FBXW12: variants seen among roughly 807,000 people sequenced by gnomAD.
The protein encoded by FBXW12 is F-box/WD repeat-containing protein 12.
In FBXW12, 43 loss-of-function variants were observed where a neutral mutation model predicts 55.3. The observed-to-expected ratio is 0.78, with a 90% CI of 0.61 to 1.00. The LOEUF (loss-of-function observed/expected upper bound fraction) is 1.00, where lower values mean the gene tolerates loss of function less well. Ranked by LOEUF, FBXW12 falls within the 50% of genes least tolerant of loss-of-function variation. The pLI is 0.00. For synonymous variants in FBXW12, 184 were observed against 203.8 expected, an observed-to-expected ratio of 0.90 and a Z score of 0.83; for missense variants, 524 against 560.5, an observed-to-expected ratio of 0.93 and a Z score of 0.66.
rs146208087 is a variant in FBXW12 at position 48,378,366 on chromosome 3, T to G, written c.455T>G (p.Leu152Arg). The part of the protein sequence containing the change: ...SPVQEFHFSN[L>R]VTLPQMHLAI... ...GTCCAGGAGTTCCATTTCTCAAATCTGGTAACCCTCCCTCAGATGCATCTC... is the reference window on the plus strand; with the variant it reads ...GTCCAGGAGTTCCATTTCTCAAATCGGGTAACCCTCCCTCAGATGCATCTC... Residue 152 changes from leucine (L) to arginine (R), a missense_variant, in exon 6 of 11, where the codon CTG becomes CGG. Transcript: ENST00000296438. 5.3e-5 allele frequency: 86 copies of G among 1,614,140 alleles called. No homozygotes were observed. In the Admixed American group the frequency reaches 6.7e-4, roughly 13 times the overall value.
intron 10 of FBXW12, among the ~76,000 whole-genome samples, chr3:48,388,196 A>T (rs1296129145): frequency 1.3e-5 from 2 of 152,178 alleles, no homozygotes; most frequent in Non-Finnish European, 2.9e-5. Context: ...CACCCAAGAT[A>T]TGCTCTATCT....
intron 5 of FBXW12, among the ~76,000 whole-genome samples, chr3:48,377,512 A>C (rs1273376380): frequency 6.6e-6 from 1 of 152,180 alleles, no homozygotes; most frequent in Non-Finnish European, 1.5e-5. Context: ...CTTCACCCTC[A>C]TGAGAGACCT....
rs763943625 is a variant in FBXW12 at position 48,379,428 on chromosome 3, C to T, written c.644C>T (p.Thr215Ile). The change falls in exon 7 of 11, where the codon ACA (threonine) becomes ATA (isoleucine). Residue 215 changes from threonine to isoleucine, a missense_variant. Physicochemically the swap from Thr to Ile is moderately conservative, Grantham distance 89 (BLOSUM62 -1). Transcript: ENST00000296438. ...GGCGATGCTGCAGGTGACATCTACA[C>T]ATTTACACTGCCTGGGTTAAGAGAT... ...MVGDAAGDIY[T>I]FTLPGLRDVS... The T allele has an allele frequency of 1.2e-6, 2 of 1,614,172 alleles. No individual in the cohort carries two copies. Among genetic ancestry groups the T allele is most frequent in the Non-Finnish European group, 8.5e-7 (1 of 1,179,986 alleles).
In FBXW12 at chr3:48,380,589, A is replaced by G; in HGVS notation, c.775-113A>G. ...CCACTCATCACTCCTGAGATATTGAACAAAGCTTTGGCCACAAGATGAGAA... is the reference window on the plus strand; with the variant it reads ...CCACTCATCACTCCTGAGATATTGAGCAAAGCTTTGGCCACAAGATGAGAA... On this transcript the variant is annotated intron_variant, in intron 7 of 10. Coordinates refer to ENST00000296438, the MANE Select transcript of FBXW12 (RefSeq NM_207102.2). The G allele has an allele frequency of 3.9e-6, 3 of 759,876 alleles. 1 individual carries two copies. The South Asian group carries it at 4.8e-5, about 12-fold the overall frequency. 47.1% of individuals were successfully genotyped at this position (759,876 alleles called of 1,614,324 possible).
chr3:48,382,203 G>C, intron 10 of FBXW12, 118 bp downstream of exon 10: 1 of 1,138,904 alleles, frequency 8.8e-7, no homozygotes, highest in Non-Finnish European at 1.2e-6. Flanking sequence ...TGCAACCTCC[G>C]ACTCCCGGGT....
chr3:48,380,844 G>GA lies in FBXW12; in HGVS notation c.923dup (p.Thr309AspfsTer7), dbSNP rs749557734. 1.3e-5 allele frequency: 21 copies of GA among 1,614,070 alleles called. No homozygotes were observed. Among genetic ancestry groups the GA allele is most frequent in the Non-Finnish European group, 1.8e-5 (21 of 1,180,006 alleles). ...ACACTGATGTCCCAAAGTAGCACTG[G>GA]AAAAAAGACAGAATTTATCACCTTT... On this transcript the variant is annotated frameshift_variant, in exon 8 of 11. Transcript: ENST00000296438. LOFTEE classifies it high-confidence loss of function.
chr3:48,379,701 G>A, intron 7 of FBXW12, 143 bp downstream of exon 7: 1 of 668,936 alleles, frequency 1.5e-6, no homozygotes, highest in Admixed American at 2.6e-5. Context: ...CCATTGTGAT[G>A]GTCAGGAAAC....
At chr3:48,381,415 G>A (rs369585933) in intron 8 of FBXW12, among the ~76,000 whole-genome samples, 3 of 152,200 alleles carry the variant, frequency 2.0e-5, no homozygotes, top group Non-Finnish European at 2.9e-5. Flanking sequence ...TCTCTTGGGC[G>A]AACACATATA....
At chr3:48,380,527 C>G (rs1048141867) in intron 7 of FBXW12, among the ~76,000 whole-genome samples, 175 bp from the exon 8 acceptor site, 1 of 152,226 alleles carries the variant, frequency 6.6e-6, no homozygotes, top group Admixed American at 6.5e-5. Context: ...AATAGGAAGA[C>G]AGTGAGTTCC....
intron 10 of FBXW12, among the ~76,000 whole-genome samples, chr3:48,387,052 C>T (rs561436656): frequency 5.9e-5 from 9 of 151,998 alleles, no homozygotes; most frequent in African/African-American, 1.9e-4. Flanking sequence ...ATTCTCCTGC[C>T]TCAGGGTGTT....
At position 48,378,303 on chromosome 3, in the gene FBXW12, C is replaced by T. The variant is rs201092149; in HGVS notation, c.406-14C>T. 1.9e-5 allele frequency: 31 copies of T among 1,606,916 alleles called. No individual in the cohort carries two copies. Among genetic ancestry groups the T allele is most frequent in the Non-Finnish European group, 2.6e-5 (30 of 1,173,722 alleles). ...GGTTCCTTGAACACAGGTCGTGTTA[C>T]TCTCGTTTTCTAGGGTACCATGATC... On this transcript the variant is annotated splice_polypyrimidine_tract_variant and intron_variant, in intron 5 of 10. Coordinates refer to ENST00000296438, the MANE Select transcript of FBXW12 (RefSeq NM_207102.2).
At chr3:48,378,117 C>T (rs556060758) in intron 5 of FBXW12, among the ~76,000 whole-genome samples, 200 bp from the exon 6 acceptor site, 264 of 152,254 alleles carry the variant, frequency 1.7e-3, no homozygotes, top group Middle Eastern at 6.8e-3. Context: ...GTACCAAGTT[C>T]TTGTCTCGGA....
At position 48,381,615 on chromosome 3, in the gene FBXW12, AGT is replaced by A. The variant is rs564374590; in HGVS notation, c.986-81_986-80del. The A allele has an allele frequency of 1.5e-5, 21 of 1,393,470 alleles. No individual in the cohort carries two copies. In the South Asian group the frequency reaches 3.2e-4, roughly 21 times the overall value. 86.3% of individuals were successfully genotyped at this position (1,393,470 alleles called of 1,614,324 possible). On this transcript the variant is annotated intron_variant, in intron 8 of 10. Coordinates refer to ENST00000296438, the MANE Select transcript of FBXW12 (RefSeq NM_207102.2). ...AAGTGGGGACTATGCTTTTTTATTCAGTGTGAGGATATTATTATTCAATGACC... is the reference window on the plus strand; with the variant it reads ...AAGTGGGGACTATGCTTTTTTATTCAGTGAGGATATTATTATTCAATGACC...
At chr3:48,379,254 C>G (rs2036729067) in intron 6 of FBXW12, 146 bp from the exon 7 acceptor site, 2 of 755,490 alleles carry the variant, frequency 2.6e-6, no homozygotes, top group Non-Finnish European at 4.5e-6. Flanking sequence ...CCAACAGTGT[C>G]TCAAGCTAGA....
At position 48,378,432 on chromosome 3, in the gene FBXW12, A is replaced by T. The variant is rs1321762691; in HGVS notation, c.521A>T (p.Asn174Ile). 6.2e-7 allele frequency: 1 copy of T among 1,613,920 alleles called. No homozygotes were observed. Among genetic ancestry groups the T allele is most frequent in the Non-Finnish European group, 8.5e-7 (1 of 1,180,004 alleles). Residue 174 changes from asparagine (N) to isoleucine (I), a missense_variant, in exon 6 of 11, where the codon AAC becomes ATC. Coordinates refer to ENST00000296438, the MANE Select transcript of FBXW12 (RefSeq NM_207102.2). Reference protein sequence around the residue: ...MDRKKTIKVWNCQDRDALAVL... With the variant: ...MDRKKTIKVWICQDRDALAVL... ...CGGAAAAAAACTATCAAAGTGTGGA[A>T]CTGTCAGGACAGGGACGCTCTGGCT...
chr3:48,378,004 A>G (rs76815846), intron 5 of FBXW12, among the ~76,000 whole-genome samples: 1 of 152,322 alleles, frequency 6.6e-6, no homozygotes, highest in East Asian at 1.9e-4. Context: ...TGACAGCCTC[A>G]TTAGAAGGCA....
intron 10 of FBXW12, among the ~76,000 whole-genome samples, chr3:48,384,624 T>C (rs999386297): frequency 4.6e-5 from 7 of 152,216 alleles, no homozygotes; most frequent in Non-Finnish European, 8.8e-5. Flanking sequence ...ACCATTATTA[T>C]TATATTCACT....
At position 48,373,535 on chromosome 3, in the gene FBXW12, ACT is replaced by A. The variant is rs759079280; in HGVS notation, c.129-10_129-9del. On this transcript the variant is annotated splice_polypyrimidine_tract_variant and intron_variant, in intron 3 of 10. Transcript: ENST00000296438. The stretch of plus-strand genomic sequence containing the variant: ...CTGAGAACAGCCTGATGGGACTGTG[ACT>A]CTGTTTCCAGGTCACTATCTCTGCA... The A allele has an allele frequency of 3.1e-5, 50 of 1,610,900 alleles. No individual in the cohort carries two copies. Among genetic ancestry groups the A allele is most frequent in the Non-Finnish European group, 3.7e-5 (44 of 1,177,570 alleles).
intron 10 of FBXW12, among the ~76,000 whole-genome samples, chr3:48,389,372 C>T (rs1291975662): frequency 6.6e-6 from 1 of 151,986 alleles, no homozygotes; most frequent in Non-Finnish European, 1.5e-5. Flanking sequence ...CTGTGCAAAA[C>T]CTTTTTTTGT....
Sources: allele counts gnomAD v4.1 joint callset (sites outside exome capture counted in the v4.1 genomes callset), GRCh38; gene constraint gnomAD v4.1.1; transcripts MANE v1.5; gene names NCBI Gene and HGNC (gene_info 2026-07-23, HGNC 2026-07-21).